Variants in KIAA1217 observed in about 807,000 individuals in gnomAD.
KIAA1217 encodes the protein KIAA1217, also known as sickle tail protein homolog.
A neutral mutation model predicts 163.9 loss-of-function variants in KIAA1217; 88 were observed. The observed-to-expected ratio is 0.54, with a 90% CI of 0.45 to 0.64. The LOEUF is 0.64. Ranked by LOEUF, KIAA1217 falls within the 30% of genes least tolerant of loss-of-function variation. The pLI, the probability that KIAA1217 is intolerant of heterozygous loss-of-function variation, is 0.00. For missense variants in KIAA1217, 2,372 were observed against 2,475.0 expected, an observed-to-expected ratio of 0.96 and a Z score of 0.88; for synonymous variants, 903 against 923.1, an observed-to-expected ratio of 0.98 and a Z score of 0.39.
chr10:24,457,174 C>T (rs1297993326), intron 5 of KIAA1217, among the ~76,000 whole-genome samples: 2 of 152,002 alleles, frequency 1.3e-5, no homozygotes, highest in East Asian at 1.9e-4. Flanking sequence ...GTTGCTCTAA[C>T]GTTGCTTTTC....
chr10:24,168,363 T>C (rs1047695781), intron 2 of KIAA1217, among the ~76,000 whole-genome samples: 1 of 152,166 alleles, frequency 6.6e-6, no homozygotes, highest in Non-Finnish European at 1.5e-5. Context: ...TGTCTAAGCA[T>C]GCACAATTAG....
At chr10:24,408,976 G>A (rs1383769134) in intron 3 of KIAA1217, among the ~76,000 whole-genome samples, 1 of 152,210 alleles carries the variant, frequency 6.6e-6, no homozygotes, top group Non-Finnish European at 1.5e-5. Context: ...CAAGCTCCTA[G>A]TATGGTGCCT....
At chr10:24,260,022 G>C (rs2075569016) in intron 2 of KIAA1217, among the ~76,000 whole-genome samples, 1 of 152,158 alleles carries the variant, frequency 6.6e-6, no homozygotes, top group African/African-American at 2.4e-5. Flanking sequence ...CTGGAGATCT[G>C]TCTCTTGTAG....
chr10:24,525,693 A>G (rs1177430218), intron 13 of KIAA1217, among the ~76,000 whole-genome samples: 2 of 152,156 alleles, frequency 1.3e-5, no homozygotes, highest in Non-Finnish European at 2.9e-5. Context: ...AGGTCTTAAG[A>G]CCAAATGACA....
chr10:24,187,143 A>G (rs77753125), intron 2 of KIAA1217, among the ~76,000 whole-genome samples: 1 of 150,448 alleles, frequency 6.6e-6, no homozygotes, highest in African/African-American at 2.4e-5. Flanking sequence ...TCATTAACTA[A>G]TTGCAGAAAA....
At chr10:23,939,382 C>T (rs952814804) in intron 1 of KIAA1217, among the ~76,000 whole-genome samples, 2 of 152,028 alleles carry the variant, frequency 1.3e-5, no homozygotes, top group African/African-American at 4.8e-5. Context: ...AAGATACAAA[C>T]ATATTACAAG....
At chr10:24,236,898 T>C (rs1471762681) in intron 2 of KIAA1217, among the ~76,000 whole-genome samples, 1 of 151,356 alleles carries the variant, frequency 6.6e-6, no homozygotes, top group Admixed American at 6.6e-5. Flanking sequence ...AAGATCCTGC[T>C]ACCTCAGCCT....
chr10:24,105,851 G>A (rs1215474315), intron 2 of KIAA1217, among the ~76,000 whole-genome samples: 1 of 152,202 alleles, frequency 6.6e-6, no homozygotes, highest in African/African-American at 2.4e-5. Context: ...GCATGCGTGT[G>A]GAAACTTCCC....
In KIAA1217 at chr10:23,927,092, G is replaced by C. The variant is rs539161082; in HGVS notation, c.-320-80133G>C. ...CTGGCTAATTTTTGTATTTTTTGTAGAGACAGATTTTCTGATGTTGTCCAG... is the reference window on the plus strand; with the variant it reads ...CTGGCTAATTTTTGTATTTTTTGTACAGACAGATTTTCTGATGTTGTCCAG... On this transcript the variant is annotated intron_variant, in intron 1 of 18. Coordinates refer to the KIAA1217 transcript ENST00000376462. 3.3e-5 allele frequency among the ~76,000 whole-genome samples: 5 copies of C among 151,638 alleles called. No individual in the cohort carries two copies. The East Asian group carries it at 9.8e-4, about 30-fold the overall frequency.
At chr10:24,048,169 T>C (rs2131575305) in intron 2 of KIAA1217, among the ~76,000 whole-genome samples, 1 of 152,310 alleles carries the variant, frequency 6.6e-6, no homozygotes, top group Admixed American at 6.5e-5. Context: ...AAATTCATAG[T>C]TTTGGCTCAT....
At chr10:24,352,975 G>A (rs935999949) in intron 2 of KIAA1217, among the ~76,000 whole-genome samples, 5 of 152,000 alleles carry the variant, frequency 3.3e-5, no homozygotes, top group Non-Finnish European at 7.4e-5. Flanking sequence ...GTCAGTGCTG[G>A]AGAGCAAAAA....
chr10:24,508,439 AG>A, intron 9 of KIAA1217, among the ~76,000 whole-genome samples: 1 of 152,342 alleles, frequency 6.6e-6, no homozygotes, highest in East Asian at 1.9e-4. Context: ...AGCAAGGCCA[AG>A]AAACCTACTC....
intron 2 of KIAA1217, among the ~76,000 whole-genome samples, chr10:24,317,028 G>A (rs541621177): frequency 9.2e-5 from 14 of 152,254 alleles, no homozygotes; most frequent in Middle Eastern, 3.4e-3. Context: ...GTGAGATTGT[G>A]TAGTCTAGAA....
chr10:24,075,052 A>G (rs1589403413), intron 2 of KIAA1217, among the ~76,000 whole-genome samples: 1 of 150,600 alleles, frequency 6.6e-6, no homozygotes, highest in Non-Finnish European at 1.5e-5. Flanking sequence ...ACCTTCCTCT[A>G]TGCTCTACAT....
At chr10:23,757,708 G>C (rs903676862) in intron 1 of KIAA1217, among the ~76,000 whole-genome samples, 7 of 151,904 alleles carry the variant, frequency 4.6e-5, no homozygotes, top group African/African-American at 1.7e-4. Context: ...AGTAGAGATG[G>C]GTTTTCACCA....
At position 23,858,461 on chromosome 10, in the gene KIAA1217, ATG is replaced by A. The variant is rs201828039; in HGVS notation, c.-320-148754_-320-148753del. On this transcript the variant is annotated intron_variant, in intron 1 of 18. Transcript: ENST00000376462. ...TATATATATATATACACACAAACAT[ATG>A]TGTGTGTGTATATACATACATATAA... Among the ~76,000 whole-genome samples the A allele has an allele frequency of 1.3e-3, 190 of 151,876 alleles. 1 individual carries two copies. The highest frequency in any genetic ancestry group is 8.5e-3 in the East Asian group (44 of 5,148).
chr10:24,265,640 T>C (rs1285483446), intron 2 of KIAA1217, among the ~76,000 whole-genome samples: 1 of 152,108 alleles, frequency 6.6e-6, no homozygotes, highest in Admixed American at 6.6e-5. Context: ...ATGTGGACAT[T>C]TTCTCTCTCC....
chr10:24,052,165 C>G (rs115058359), intron 2 of KIAA1217, among the ~76,000 whole-genome samples: 1 of 151,970 alleles, frequency 6.6e-6, no homozygotes, highest in Non-Finnish European at 1.5e-5. Context: ...ATGGTTGTGC[C>G]GATTCTTTAT....
intron 1 of KIAA1217, among the ~76,000 whole-genome samples, chr10:23,888,356 C>T (rs541105606): frequency 2.0e-5 from 3 of 151,978 alleles, no homozygotes; most frequent in Admixed American, 6.6e-5. Context: ...TCCTTCTCTC[C>T]GTTTAATCAA....
Sources: gnomAD v4.1 joint callset for allele counts (sites outside exome capture counted in the v4.1 genomes callset) on GRCh38, gnomAD v4.1.1 for gene constraint, MANE v1.5 for transcripts, NCBI Gene and HGNC (gene_info 2026-07-23, HGNC 2026-07-21) for gene names.